The following TMEM132D variants were observed in gnomAD, a reference collection of about 807,000 sequenced individuals.
TMEM132D encodes transmembrane protein 132D, also known as mature OL transmembrane protein.
TMEM132D carries 21 observed loss-of-function variants against 62.3 expected under a neutral mutation model. The observed-to-expected ratio is 0.34, with a 90% confidence interval of 0.24 to 0.49. The LOEUF (loss-of-function observed/expected upper bound fraction) is 0.49, where lower values mean the gene tolerates loss of function less well. TMEM132D is among the 20% of genes least tolerant of loss of function. The pLI is 0.99. For synonymous variants in TMEM132D, 621 were observed against 575.6 expected (o/e 1.08, Z -1.13); for missense variants, 1,346 against 1,402.8 (o/e 0.96, Z 0.65).
At chr12:129,424,981 A>G (rs536446623) in intron 3 of TMEM132D, among the ~76,000 whole-genome samples, 4 of 152,038 alleles carry the variant, frequency 2.6e-5, no homozygotes, top group East Asian at 1.9e-4. Context: ...CCACTAATCA[A>G]TCTACTTTCT....
At chr12:129,324,655 C>T (rs1868840418) in intron 4 of TMEM132D, among the ~76,000 whole-genome samples, 1 of 151,936 alleles carries the variant, frequency 6.6e-6, no homozygotes, top group Admixed American at 6.6e-5. Flanking sequence ...ATGGTGAAAC[C>T]CCATCCCTAC....
chr12:129,215,062 A>C (rs1179278737), intron 4 of TMEM132D, among the ~76,000 whole-genome samples: 1 of 152,204 alleles, frequency 6.6e-6, no homozygotes, highest in Non-Finnish European at 1.5e-5. Context: ...ATCTACCTAG[A>C]TGTCCATCAA....
chr12:129,747,637 C>T (rs1869846885), intron 1 of TMEM132D, among the ~76,000 whole-genome samples: 1 of 150,454 alleles, frequency 6.6e-6, no homozygotes, highest in Admixed American at 6.6e-5. Context: ...CACACACAGT[C>T]AGATACATAC....
At chr12:129,824,082 C>T (rs576469727) in intron 1 of TMEM132D, among the ~76,000 whole-genome samples, 58 of 152,198 alleles carry the variant, frequency 3.8e-4, no homozygotes, top group Admixed American at 1.0e-3. Flanking sequence ...AGGCACAGAG[C>T]GCGGTGTCCA....
rs530508747 is a variant in TMEM132D at position 129,164,966 on chromosome 12, C to T, written c.1443+44554G>A. ...AACATTCATACCAGCTTCAGTCATACGAGCTAAAAGCTGGAATCCCCTGAG... is the reference window on the plus strand; with the variant it reads ...AACATTCATACCAGCTTCAGTCATATGAGCTAAAAGCTGGAATCCCCTGAG... On this transcript the variant is annotated intron_variant, in intron 5 of 8. Transcript: ENST00000422113. Among the ~76,000 whole-genome samples, 10 of 152,226 alleles carry T rather than the reference C, an allele frequency of 6.6e-5. No homozygotes were observed. The South Asian group carries it at 8.3e-4, about 13-fold the overall frequency.
chr12:129,894,307 C>G (rs987450409), intron 1 of TMEM132D, among the ~76,000 whole-genome samples: 42 of 152,188 alleles, frequency 2.8e-4, no homozygotes, highest in African/African-American at 8.9e-4. Context: ...GGGGACACCG[C>G]CCCCCATGAT....
chr12:129,717,256 G>A (rs1868620463), intron 1 of TMEM132D, among the ~76,000 whole-genome samples: 1 of 152,192 alleles, frequency 6.6e-6, no homozygotes, highest in Admixed American at 6.5e-5. Context: ...CTAAAAAGAA[G>A]GGTGTGTTCT....
chr12:129,407,614 C>A (rs966000312), intron 3 of TMEM132D, among the ~76,000 whole-genome samples: 13 of 152,040 alleles, frequency 8.6e-5, no homozygotes, highest in Non-Finnish European at 1.6e-4. Flanking sequence ...AGTTAAAAAT[C>A]AGCTAATTTT....
intron 5 of TMEM132D, among the ~76,000 whole-genome samples, chr12:129,103,480 A>G (rs56305537): frequency 0.18 from 27,387 of 151,498 alleles, 2,781 homozygotes; most frequent in Non-Finnish European, 0.22. Context: ...AGCCCCATCC[A>G]GACACACAGG....
intron 4 of TMEM132D, among the ~76,000 whole-genome samples, chr12:129,295,626 T>C (rs1429083820): frequency 6.6e-6 from 1 of 151,748 alleles, no homozygotes; most frequent in Non-Finnish European, 1.5e-5. Flanking sequence ...TAATAATTAG[T>C]TTTGTACACA....
At chr12:129,320,981 C>CCTATCTATCTATCTATCTAT (rs1223377579) in intron 4 of TMEM132D, among the ~76,000 whole-genome samples, 1 of 148,794 alleles carries the variant, frequency 6.7e-6, no homozygotes, top group African/African-American at 2.4e-5. Context: ...TATCTACCTA[C>CCTATCTATCTATCTATCTAT]CTACCTACCT....
intron 2 of TMEM132D, among the ~76,000 whole-genome samples, chr12:129,558,027 G>C (rs1175034432): frequency 1.3e-5 from 2 of 152,150 alleles, no homozygotes; most frequent in Non-Finnish European, 2.9e-5. Context: ...AGAAATGAGT[G>C]CTATCAGGAA....
intron 1 of TMEM132D, among the ~76,000 whole-genome samples, chr12:129,720,547 C>T (rs1270656961): frequency 1.3e-5 from 2 of 152,180 alleles, no homozygotes; most frequent in African/African-American, 4.8e-5. Flanking sequence ...TGTTAAGATA[C>T]GGAGGTTACC....
At chr12:129,081,536 G>C (rs1480332608) in intron 7 of TMEM132D, among the ~76,000 whole-genome samples, 1 of 152,084 alleles carries the variant, frequency 6.6e-6, no homozygotes, top group East Asian at 1.9e-4. Context: ...CTGAGCTCAT[G>C]ACCTGCCCGC....
intron 2 of TMEM132D, among the ~76,000 whole-genome samples, chr12:129,629,001 C>G (rs1293137056): frequency 6.6e-6 from 1 of 151,788 alleles, no homozygotes; most frequent in Non-Finnish European, 1.5e-5. Flanking sequence ...CTCTGTCTCT[C>G]TCTCTCTCCA....
At chr12:129,147,706 A>G (rs1198623313) in intron 5 of TMEM132D, among the ~76,000 whole-genome samples, 1 of 152,200 alleles carries the variant, frequency 6.6e-6, no homozygotes, top group African/African-American at 2.4e-5. Context: ...CAAGGTGTCT[A>G]TTTGACCTTC....
intron 5 of TMEM132D, among the ~76,000 whole-genome samples, chr12:129,197,417 C>T (rs1878580056): frequency 6.6e-6 from 1 of 152,088 alleles, no homozygotes; most frequent in Non-Finnish European, 1.5e-5. Flanking sequence ...GTCTCAATTC[C>T]CTCACCCCAA....
rs531672108 is a variant in TMEM132D at position 129,855,095 on chromosome 12, A to G, written c.79+48166T>C. ...CGGGGAACGGGATGGGTGCCCTTATAACAGAGTCCGGGGGAACGGGATGGC... is the reference window on the plus strand; with the variant it reads ...CGGGGAACGGGATGGGTGCCCTTATGACAGAGTCCGGGGGAACGGGATGGC... On this transcript the variant is annotated intron_variant, in intron 1 of 8. Transcript: ENST00000422113. Among the ~76,000 whole-genome samples the G allele has an allele frequency of 3.0e-5, 4 of 135,176 alleles. 1 individual carries two copies. In the South Asian group the frequency reaches 9.5e-4, roughly 32 times the overall value. 88.7% of individuals were successfully genotyped at this position (135,176 alleles called of 152,430 possible). A position where few individuals can be genotyped will look rare whatever the true frequency, so the allele number is the denominator to read the frequency against.
rs556398284 is a variant in TMEM132D, at chr12:129,340,168, G to A, written c.1116-2351C>T. ...AATTTTACTCTTCCTGTAACCTTAC[G>A]TGATTGTTCTATACATTTAGATTTT... is the stretch of plus-strand genomic sequence containing the variant. On this transcript the variant is annotated intron_variant, in intron 3 of 8. Coordinates refer to ENST00000422113, the MANE Select transcript of TMEM132D (RefSeq NM_133448.3). Among the ~76,000 whole-genome samples, 6 of 152,142 alleles carry A rather than the reference G, an allele frequency of 3.9e-5. No individual in the cohort carries two copies. In the South Asian group the frequency reaches 6.2e-4, roughly 16 times the overall value.
Sources: gnomAD v4.1 joint callset for allele counts (sites outside exome capture counted in the v4.1 genomes callset) on GRCh38, gnomAD v4.1.1 for gene constraint, MANE v1.5 for transcripts, NCBI Gene and HGNC (gene_info 2026-07-23, HGNC 2026-07-21) for gene names.